The following RTTN variants were observed in gnomAD, a reference collection of about 807,000 sequenced individuals.
RTTN encodes rotatin.
A neutral mutation model predicts 269.2 loss-of-function variants in RTTN; 182 were observed. That is an observed-to-expected ratio of 0.68 (90% CI 0.60 to 0.76). The LOEUF (loss-of-function observed/expected upper bound fraction) is 0.76. Among genes scored for constraint, RTTN ranks in the 30% least tolerant of loss-of-function variants. RTTN has a pLI of 0.00. For synonymous variants in RTTN, 1,006 were observed against 963.5 expected (o/e 1.04, Z -0.82); for missense variants, 2,545 against 2,608.6 (o/e 0.98, Z 0.53).
At chr18:70,167,733 C>T (rs1428842812) in intron 12 of RTTN, among the ~76,000 whole-genome samples, 1 of 149,016 alleles carries the variant, frequency 6.7e-6, no homozygotes, top group Admixed American at 6.7e-5. Flanking sequence ...AGAAATACTT[C>T]AACTTAAAGA....
rs1256435746 is a variant in RTTN, at chr18:70,030,057, C to G, written c.5700G>C (p.Leu1900=). The part of the protein sequence containing the change: ...MEQMKHINAQ[L]NLDSLRPGKA... ...TCCCAGGCCTCAGAGAATCTAGGTT[C>G]AGTTGTGCATTTATGTGTTTCATCT... Residue 1900 remains leucine, a synonymous_variant, in exon 42 of 49, where the codon CTG becomes CTC. Transcript: ENST00000640769. The G allele has an allele frequency of 6.2e-7, 1 of 1,612,968 alleles. No individual in the cohort carries two copies. Among genetic ancestry groups the G allele is most frequent in the Admixed American group, 1.7e-5 (1 of 59,996 alleles).
chr18:70,064,768 T>G (rs1255878196), intron 35 of RTTN, among the ~76,000 whole-genome samples: 4 of 152,184 alleles, frequency 2.6e-5, no homozygotes, highest in African/African-American at 4.8e-5. Flanking sequence ...GTGGTGACGG[T>G]TGCACAACTC....
chr18:70,116,208 T>C (rs929446451), intron 26 of RTTN, among the ~76,000 whole-genome samples: 1 of 151,938 alleles, frequency 6.6e-6, no homozygotes. Context: ...ACTGACAAAA[T>C]GAACAAACTG....
chr18:70,098,680 C>T (rs1184323890), intron 28 of RTTN, among the ~76,000 whole-genome samples: 1 of 151,968 alleles, frequency 6.6e-6, no homozygotes, highest in Non-Finnish European at 1.5e-5. Flanking sequence ...TTCTAGAGTA[C>T]ATGTGCACAA....
At chr18:70,161,751 A>G (rs1350011323) in intron 14 of RTTN, among the ~76,000 whole-genome samples, 1 of 152,224 alleles carries the variant, frequency 6.6e-6, no homozygotes, top group Non-Finnish European at 1.5e-5. Context: ...AAAAATGCTC[A>G]ATATCACTAA....
intron 10 of RTTN, among the ~76,000 whole-genome samples, chr18:70,184,714 T>G (rs865816726): frequency 0.15 from 8,058 of 53,208 alleles, 840 homozygotes; most frequent in African/African-American, 0.26. Flanking sequence ...TTTTTTTTTT[T>G]TTTGTGTGTG....
chr18:70,169,145 G>C, intron 11 of RTTN, 78 bp from the exon 12 acceptor site: 1 of 1,002,806 alleles, frequency 1.0e-6, no homozygotes, highest in African/African-American at 1.7e-5. Flanking sequence ...GTGGGCTATA[G>C]TCTTAATCTA....
chr18:70,006,128 TTTAAA>T (rs762914568), intron 47 of RTTN: 121 of 355,660 alleles, frequency 3.4e-4, no homozygotes, highest in African/African-American at 2.2e-3. Flanking sequence ...AGTAAATCAA[TTTAAA>T]TTAAGAGGAA....
chr18:70,183,856 C>T (rs919363800), intron 10 of RTTN, among the ~76,000 whole-genome samples: 1 of 152,186 alleles, frequency 6.6e-6, no homozygotes, highest in African/African-American at 2.4e-5. Context: ...CAGCCTCAAA[C>T]TTCTGGGTTC....
intron 14 of RTTN, among the ~76,000 whole-genome samples, chr18:70,160,697 C>T (rs2060805052): frequency 6.7e-6 from 1 of 148,730 alleles, no homozygotes; most frequent in Non-Finnish European, 1.5e-5. Flanking sequence ...ATTCTCTGCC[C>T]AAAAGTTCTT....
At position 70,088,103 on chromosome 18, in the gene RTTN, A is replaced by C. The variant is rs1227765500; in HGVS notation, c.4188T>G (p.Leu1396=). ...SLGLGSALTT[L]ETGCVALANS... Reference sequence around the variant, plus strand: ...TTGCTAAGGCCACACAGCCCGTTTCAAGGGTGGTCAGTGCTGATCCTAATC... The same window carrying C: ...TTGCTAAGGCCACACAGCCCGTTTCCAGGGTGGTCAGTGCTGATCCTAATC... Residue 1396 remains leucine, a synonymous_variant, in exon 31 of 49, where the codon CTT becomes CTG. Coordinates refer to ENST00000640769, the MANE Select transcript of RTTN (RefSeq NM_173630.4). 6 of 1,613,828 alleles carry C rather than the reference A, an allele frequency of 3.7e-6. No individual in the cohort carries two copies. The highest frequency in any genetic ancestry group is 5.1e-6 in the Non-Finnish European group (6 of 1,179,916).
At position 70,019,352 on chromosome 18, in the gene RTTN, G is replaced by A. The variant is rs957491080; in HGVS notation, c.6153+1263C>T. ...ATGCTCTATAAGGAAGTGGTGGAAA[G>A]CACTGCCCCCGCTCTGCTCTCACAT... On this transcript the variant is annotated intron_variant, in intron 45 of 48. Coordinates refer to ENST00000640769, the MANE Select transcript of RTTN (RefSeq NM_173630.4). 2.0e-5 allele frequency: 3 copies of A among 152,138 alleles called. No individual in the cohort carries two copies. In the East Asian group the frequency reaches 5.8e-4, roughly 29 times the overall value. The allele number at this position is 152,138 out of a possible 1,614,324, so 9.4% of individuals were successfully genotyped here. A position where few individuals can be genotyped will look rare whatever the true frequency, so the allele number is the denominator to read the frequency against.
At chr18:70,175,278 A>G (rs879397616) in intron 11 of RTTN, among the ~76,000 whole-genome samples, 26 of 152,104 alleles carry the variant, frequency 1.7e-4, no homozygotes, top group Non-Finnish European at 3.1e-4. Flanking sequence ...AAAAGTAGGA[A>G]AAAGAAAAGT....
At chr18:70,158,111 T>C (rs1351537846) in intron 14 of RTTN, among the ~76,000 whole-genome samples, 1 of 151,976 alleles carries the variant, frequency 6.6e-6, no homozygotes. Flanking sequence ...CCCAGTGAGA[T>C]ACTATTCAAG....
In RTTN at chr18:70,091,037, A is replaced by G. The variant is rs115751264; in HGVS notation, c.4143+1073T>C. On this transcript the variant is annotated intron_variant, in intron 30 of 48. Coordinates refer to ENST00000640769, the MANE Select transcript of RTTN (RefSeq NM_173630.4). The stretch of plus-strand genomic sequence containing the variant: ...TTCTACCATCATCTTTTGGAAGCAT[A>G]TAACTTGTATGGGTTCACAGGTTCA... Among the ~76,000 whole-genome samples, 432 of 152,274 alleles carry G rather than the reference A, an allele frequency of 2.8e-3. 2 individuals are homozygous for G. Among genetic ancestry groups the G allele is most frequent in the African/African-American group, 0.01 (420 of 41,556 alleles).
intron 27 of RTTN, among the ~76,000 whole-genome samples, chr18:70,110,831 C>T (rs2059445589): frequency 6.6e-6 from 1 of 152,194 alleles, no homozygotes; most frequent in South Asian, 2.1e-4. Flanking sequence ...TCGTTGCCAG[C>T]ACAGCAGCAG....
chr18:70,004,055 G>T lies in RTTN; in HGVS notation c.*96C>A. The T allele has an allele frequency of 1.2e-6, 1 of 839,652 alleles. No individual in the cohort carries two copies. Among genetic ancestry groups the T allele is most frequent in the Non-Finnish European group, 2.0e-6 (1 of 494,922 alleles). The allele number at this position is 839,652 out of a possible 1,614,324, so 52.0% of individuals were successfully genotyped here. A position where few individuals can be genotyped will look rare whatever the true frequency, so the allele number is the denominator to read the frequency against. On this transcript the variant is annotated 3_prime_UTR_variant, in exon 49 of 49. Transcript: ENST00000640769. ...GGGATCAACACTTTGTAGAGAGGTAGCACGTCTTCAGGTAACAGCTGCTAC... is the reference window on the plus strand; with the variant it reads ...GGGATCAACACTTTGTAGAGAGGTATCACGTCTTCAGGTAACAGCTGCTAC...
intron 7 of RTTN, among the ~76,000 whole-genome samples, chr18:70,195,049 ACACTT>A (rs1247911560): frequency 1.3e-5 from 2 of 152,218 alleles, no homozygotes; most frequent in Admixed American, 1.3e-4. Flanking sequence ...GCTTCTCACT[ACACTT>A]CAAAGAAAAT....
intron 23 of RTTN, chr18:70,131,275 A>T (rs2059992189): frequency 6.6e-6 from 1 of 151,744 alleles, no homozygotes; most frequent in South Asian, 2.1e-4. Flanking sequence ...AAAGTAACAG[A>T]AACGACCACG....
Sources: gnomAD v4.1 joint callset for allele counts (sites outside exome capture counted in the v4.1 genomes callset) on GRCh38, gnomAD v4.1.1 for gene constraint, MANE v1.5 for transcripts, NCBI Gene and HGNC (gene_info 2026-07-23, HGNC 2026-07-21) for gene names.